Variants in USH2A observed in about 807,000 individuals in gnomAD.
USH2A encodes usherin.
In USH2A, 443 loss-of-function variants were observed where a neutral mutation model predicts 538.9. The ratio of observed to expected loss-of-function variants is 0.82; its 90% CI spans 0.76 to 0.89. USH2A has a LOEUF of 0.89. USH2A is among the 40% of genes least tolerant of loss of function. The pLI, the probability that USH2A is intolerant of heterozygous loss-of-function variation, is 0.00. For synonymous variants in USH2A, 2,413 were observed against 2,273.5 expected, an observed-to-expected ratio of 1.06 and a Z score of -1.75; for missense variants, 6,633 against 6,324.8, an observed-to-expected ratio of 1.05 and a Z score of -1.65.
intron 21 of USH2A, chr1:216,174,384 A>C (rs2034331943): frequency 1.0e-6 from 1 of 984,724 alleles, no homozygotes; most frequent in African/African-American, 1.7e-5. Context: ...CTATATTGAA[A>C]TCATGCTATT....
chr1:216,175,297 A>G lies in USH2A; in HGVS notation c.4582T>C (p.Cys1528Arg), dbSNP rs1365118885. The G allele has an allele frequency of 6.2e-7, 1 of 1,613,674 alleles. No homozygotes were observed. Among genetic ancestry groups the G allele is most frequent in the African/African-American group, 1.3e-5 (1 of 74,932 alleles). Residue 1528 changes from cysteine (C) to arginine (R), a missense_variant, in exon 21 of 72, where the codon TGT (cysteine) becomes CGT (arginine). Cys to Arg is a radical substitution (Grantham distance 180, BLOSUM62 -3). Coordinates refer to ENST00000307340, the MANE Select transcript of USH2A (RefSeq NM_206933.4). The stretch of plus-strand genomic sequence containing the variant: ...GGGTGAGTGGAGCTGGGAAATTTAC[A>G]ATACCCATTTCCTATGAAACGGATT... ...KGIRFIGNGY[C>R]KFPSSTHPVN...
intron 35 of USH2A, 33 bp downstream of exon 35, chr1:215,992,987 C>T: frequency 6.2e-7 from 1 of 1,613,892 alleles, no homozygotes; most frequent in Non-Finnish European, 8.5e-7. Context: ...TGCTAATCAT[C>T]TTTTTAACTT....
chr1:216,084,993 C>T (rs2032083238), intron 24 of USH2A, 116 bp from the exon 25 acceptor site: 2 of 920,004 alleles, frequency 2.2e-6, no homozygotes, highest in African/African-American at 1.7e-5. Context: ...TACCTATTTA[C>T]TGCAAGCCTC....
intron 20 of USH2A, among the ~76,000 whole-genome samples, chr1:216,177,481 G>A (rs2034412083): frequency 6.6e-6 from 1 of 152,114 alleles, no homozygotes; most frequent in Non-Finnish European, 1.5e-5. Flanking sequence ...AAAATAACAA[G>A]CCTGTGAGTT....
In USH2A at chr1:215,687,441, A is replaced by G. The variant is rs139683437; in HGVS notation, c.12067-7065T>C. On this transcript the variant is annotated intron_variant, in intron 61 of 71. Transcript: ENST00000307340. ...GGGGTCAATTCAAAAAGAAGACTCA[A>G]TTCACAGACATTTTCTTTATAGACA... Among the ~76,000 whole-genome samples, 1,369 of 152,126 alleles carry G rather than the reference A, an allele frequency of 9.0e-3. 33 individuals carry two copies. The highest frequency in any genetic ancestry group is 0.032 in the African/African-American group (1,314 of 41,520).
intron 46 of USH2A, among the ~76,000 whole-genome samples, chr1:215,842,014 A>T (rs147721260): frequency 0.013 from 1,955 of 152,308 alleles, 52 homozygotes; most frequent in African/African-American, 0.045. Flanking sequence ...AGGGACATAT[A>T]AAGGGATTAT....
At chr1:216,210,341 G>A (rs2035212507) in intron 15 of USH2A, among the ~76,000 whole-genome samples, 1 of 152,082 alleles carries the variant, frequency 6.6e-6, no homozygotes, top group African/African-American at 2.4e-5. Flanking sequence ...GGAATGCTGA[G>A]GGCAGTCATG....
intron 35 of USH2A, among the ~76,000 whole-genome samples, chr1:215,977,590 TC>T (rs767722438): frequency 3.9e-5 from 6 of 152,108 alleles, no homozygotes; most frequent in Admixed American, 1.3e-4. Context: ...CACTGCAACC[TC>T]CGCCTCCCAG....
Position 215,813,920 on chromosome 1 carries a change from C to G in USH2A, c.9571-16G>C. On this transcript the variant is annotated splice_polypyrimidine_tract_variant and intron_variant, in intron 48 of 71. Coordinates refer to ENST00000307340, the MANE Select transcript of USH2A (RefSeq NM_206933.4). Reference sequence around the variant, plus strand: ...TACAACAAACCTGAAAGTTTGAAAACAGTTTTAAAGAAATATCAGTTTAGT... The same window carrying G: ...TACAACAAACCTGAAAGTTTGAAAAGAGTTTTAAAGAAATATCAGTTTAGT... 1 of 1,613,238 alleles carries G rather than the reference C, an allele frequency of 6.2e-7. No individual in the cohort carries two copies.
chr1:215,859,948 G>A (rs1250882338), intron 44 of USH2A, among the ~76,000 whole-genome samples: 1 of 152,158 alleles, frequency 6.6e-6, no homozygotes, highest in Non-Finnish European at 1.5e-5. Context: ...GTTGCATGGG[G>A]CCAGATTCTC....
chr1:215,743,357 GA>G, intron 58 of USH2A, 22 bp from the exon 59 acceptor site: 3 of 1,473,276 alleles, frequency 2.0e-6, no homozygotes, highest in South Asian at 1.1e-5. Context: ...GAGAGAGAGA[GA>G]GAACATTAAA....
chr1:216,055,049 T>A (rs150283309), intron 30 of USH2A, among the ~76,000 whole-genome samples: 4 of 152,206 alleles, frequency 2.6e-5, no homozygotes, highest in African/African-American at 9.7e-5. Flanking sequence ...GCATTTGGGA[T>A]AACATGGAGA....
At chr1:216,112,530 G>A (rs2032900318) in intron 21 of USH2A, among the ~76,000 whole-genome samples, 1 of 151,968 alleles carries the variant, frequency 6.6e-6, no homozygotes, top group Non-Finnish European at 1.5e-5. Context: ...TGTGTCACGG[G>A]GGTTCAATGA....
intron 22 of USH2A, among the ~76,000 whole-genome samples, chr1:216,096,029 TTC>T (rs1335274903): frequency 1.1e-4 from 17 of 149,500 alleles, no homozygotes; most frequent in Non-Finnish European, 1.8e-4. Flanking sequence ...TCTTACTCAT[TTC>T]TCTTACTCAT....
At chr1:216,333,840 C>T (rs1016203506) in intron 4 of USH2A, among the ~76,000 whole-genome samples, 3 of 151,896 alleles carry the variant, frequency 2.0e-5, no homozygotes, top group Admixed American at 2.0e-4. Context: ...AACTGTACAC[C>T]AAAAACTATT....
Position 216,209,415 on chromosome 1 carries a change from G to A in USH2A, c.3158-1984C>T, listed in dbSNP as rs192337041. The stretch of plus-strand genomic sequence containing the variant: ...GGAGGCTGCTGATGCAAACCACATA[G>A]AATCTTGGAGGACAGAGCAAAGTGG... On this transcript the variant is annotated intron_variant, in intron 15 of 71. Coordinates refer to ENST00000307340, the MANE Select transcript of USH2A (RefSeq NM_206933.4). Among the ~76,000 whole-genome samples, 17 of 152,302 alleles carry A rather than the reference G, an allele frequency of 1.1e-4. No homozygotes were observed. In the East Asian group the frequency reaches 3.3e-3, roughly 29 times the overall value.
At chr1:215,967,808 T>C (rs1667390197) in intron 36 of USH2A, among the ~76,000 whole-genome samples, 1 of 152,056 alleles carries the variant, frequency 6.6e-6, no homozygotes, top group African/African-American at 2.4e-5. Flanking sequence ...CCAGGTGTAT[T>C]TATCTGTATA....
intron 40 of USH2A, 110 bp downstream of exon 40, chr1:215,899,965 A>G: frequency 1.3e-6 from 2 of 1,518,450 alleles, no homozygotes; most frequent in Non-Finnish European, 9.1e-7. Flanking sequence ...TATTGTCACT[A>G]AACAACAAGT....
intron 61 of USH2A, among the ~76,000 whole-genome samples, chr1:215,684,970 G>A (rs1401262055): frequency 1.3e-5 from 2 of 152,002 alleles, no homozygotes; most frequent in African/African-American, 4.8e-5. Flanking sequence ...TTGAACTGCC[G>A]AGATCCTTTA....
Sources: gnomAD v4.1 joint callset for allele counts (sites outside exome capture counted in the v4.1 genomes callset) on GRCh38, gnomAD v4.1.1 for gene constraint, MANE v1.5 for transcripts, NCBI Gene and HGNC (gene_info 2026-07-23, HGNC 2026-07-21) for gene names.